TRIQK: variants seen among roughly 807,000 people sequenced by gnomAD.
TRIQK encodes the protein triple QxxK/R motif containing.
Under a neutral mutation model 10.8 loss-of-function variants are expected in TRIQK, and 10 were observed. The observed-to-expected ratio is 0.92, with a 90% CI of 0.57 to 1.57. TRIQK has a LOEUF of 1.57. Ranked by LOEUF, TRIQK falls within the 40% of genes most tolerant of loss-of-function variation. The pLI is 0.00. For synonymous variants in TRIQK, 33 were observed against 33.7 expected, an observed-to-expected ratio of 0.98 and a Z score of 0.07; for missense variants, 107 against 97.7, an observed-to-expected ratio of 1.09 and a Z score of -0.40.
intron 2 of TRIQK, chr8:92,953,628 G>A (rs538293086): frequency 1.3e-5 from 2 of 152,050 alleles, no homozygotes; most frequent in Non-Finnish European, 2.9e-5. Context: ...TCTGAGATGA[G>A]AAAATGCCTG....
chr8:92,955,727 TA>T (rs1451470513), intron 1 of TRIQK, among the ~76,000 whole-genome samples: 2 of 151,688 alleles, frequency 1.3e-5, no homozygotes, highest in Non-Finnish European at 3.0e-5. Context: ...CAACTCAACA[TA>T]AAAGATCAAA....
chr8:92,930,717 CA>C (rs759143612), intron 2 of TRIQK, among the ~76,000 whole-genome samples: 1 of 152,108 alleles, frequency 6.6e-6, no homozygotes, highest in South Asian at 2.1e-4. Flanking sequence ...CCTGATGAGA[CA>C]AAGAGTAATT....
Position 92,951,790 on chromosome 8 carries a change from G to A in TRIQK, c.-22+2616C>T, listed in dbSNP as rs1376376224. Among the ~76,000 whole-genome samples, 5 of 152,190 alleles carry A rather than the reference G, an allele frequency of 3.3e-5. No individual in the cohort carries two copies. The East Asian group carries it at 9.7e-4, about 29-fold the overall frequency. On this transcript the variant is annotated intron_variant, in intron 2 of 4. Coordinates refer to ENST00000521988, the MANE Select transcript of TRIQK (RefSeq NM_001171797.2). ...GTACTGTCAGAGCCTAACTGATCTGGGGAAAGGAAAACCCCCAACTCTAGC... is the reference window on the plus strand; with the variant it reads ...GTACTGTCAGAGCCTAACTGATCTGAGGAAAGGAAAACCCCCAACTCTAGC...
chr8:92,887,037 T>G (rs1039332641), intron 4 of TRIQK: 1 of 179,962 alleles, frequency 5.6e-6, no homozygotes, highest in Admixed American at 6.0e-5. Flanking sequence ...ATAGTTTGGA[T>G]ATCAGGATGT....
intron 2 of TRIQK, among the ~76,000 whole-genome samples, chr8:92,952,919 C>G (rs1811981032): frequency 6.6e-6 from 1 of 151,994 alleles, no homozygotes; most frequent in African/African-American, 2.4e-5. Context: ...CAGATAAAAC[C>G]TTCAATATCT....
chr8:92,915,619 G>A (rs1314733107), intron 3 of TRIQK, among the ~76,000 whole-genome samples: 1 of 151,004 alleles, frequency 6.6e-6, no homozygotes, highest in Non-Finnish European at 1.5e-5. Flanking sequence ...AGCCTCCCAG[G>A]TAGCTGGGAC....
chr8:92,971,807 T>G (rs1245905837), intron 1 of TRIQK, among the ~76,000 whole-genome samples: 1 of 152,198 alleles, frequency 6.6e-6, no homozygotes, highest in African/African-American at 2.4e-5. Flanking sequence ...CTGTAAAGTT[T>G]ATATGGAACC....
At chr8:92,990,720 C>T (rs139299037) in intron 1 of TRIQK, among the ~76,000 whole-genome samples, 213 of 152,262 alleles carry the variant, frequency 1.4e-3, no homozygotes, top group Middle Eastern at 6.8e-3. Context: ...TGCACTCCGG[C>T]CCCAGGTAGT....
chr8:92,991,480 C>T (rs62520829), intron 1 of TRIQK, among the ~76,000 whole-genome samples: 15,389 of 152,030 alleles, frequency 0.1, 1,835 homozygotes, highest in African/African-American at 0.28. Context: ...CAGCAGGGGT[C>T]GACTAGGTAT....
In TRIQK at chr8:92,958,029, T is replaced by A. The variant is rs114055440; in HGVS notation, c.-180-3465A>T. Among the ~76,000 whole-genome samples the A allele has an allele frequency of 3.3e-3, 504 of 152,054 alleles. 1 individual carries two copies. The highest frequency in any genetic ancestry group is 0.012 in the African/African-American group (479 of 41,542). On this transcript the variant is annotated intron_variant, in intron 1 of 4. Transcript: ENST00000521988. ...CCATTTCAAAATACCAATTTGATCA[T>A]GTTGCTCTCCATTTGAAAACCTGAA...
chr8:92,948,987 A>G (rs1187647738), intron 2 of TRIQK, among the ~76,000 whole-genome samples: 3 of 152,206 alleles, frequency 2.0e-5, no homozygotes, highest in Non-Finnish European at 4.4e-5. Flanking sequence ...AAGGTGGCCA[A>G]CTGTTCAAAC....
At chr8:92,939,022 G>A (rs1811139264) in intron 2 of TRIQK, among the ~76,000 whole-genome samples, 1 of 151,874 alleles carries the variant, frequency 6.6e-6, no homozygotes, top group Non-Finnish European at 1.5e-5. Context: ...CCTGCTCTGT[G>A]GCATGACTAG....
chr8:92,968,094 T>C (rs955118227), upstream of TRIQK, among the ~76,000 whole-genome samples: 6 of 152,282 alleles, frequency 3.9e-5, no homozygotes, highest in African/African-American at 1.4e-4. Context: ...TTCTTTACCA[T>C]ATAAAGACAT....
intron 2 of TRIQK, chr8:92,926,483 T>C (rs1045706360): frequency 6.6e-6 from 1 of 152,200 alleles, no homozygotes; most frequent in Non-Finnish European, 1.5e-5. Context: ...GAGATTTTTT[T>C]TGTTATACTT....
chr8:92,999,478 G>C (rs774441455), intron 1 of TRIQK, among the ~76,000 whole-genome samples: 4 of 152,022 alleles, frequency 2.6e-5, no homozygotes, highest in Non-Finnish European at 4.4e-5. Context: ...GGAATATTCT[G>C]ACTACTCGTT....
chr8:92,925,269 C>T (rs1810390003), intron 2 of TRIQK, among the ~76,000 whole-genome samples: 1 of 151,984 alleles, frequency 6.6e-6, no homozygotes, highest in African/African-American at 2.4e-5. Flanking sequence ...GATCATACAA[C>T]TGAACGAAGT....
chr8:92,989,436 G>C (rs1813073428), intron 1 of TRIQK, among the ~76,000 whole-genome samples: 1 of 151,988 alleles, frequency 6.6e-6, no homozygotes, highest in Non-Finnish European at 1.5e-5. Flanking sequence ...TTGCATTACT[G>C]CCTGAGCTCT....
intron 1 of TRIQK, among the ~76,000 whole-genome samples, chr8:92,993,493 A>G (rs1339441790): frequency 1.3e-5 from 2 of 152,186 alleles, no homozygotes; most frequent in Non-Finnish European, 2.9e-5. Context: ...ACACAGGCTA[A>G]TAAGTTCATT....
intron 1 of TRIQK, among the ~76,000 whole-genome samples, chr8:92,993,703 A>T (rs1392983288): frequency 6.6e-6 from 1 of 152,206 alleles, no homozygotes; most frequent in Admixed American, 6.5e-5. Context: ...AACTATTATG[A>T]TGGTATTAGC....
Sources: allele counts gnomAD v4.1 joint callset (sites outside exome capture counted in the v4.1 genomes callset), GRCh38; gene constraint gnomAD v4.1.1; transcripts MANE v1.5; gene names NCBI Gene and HGNC (gene_info 2026-07-23, HGNC 2026-07-21).